The following HIVEP1 variants were observed in gnomAD, a reference collection of about 807,000 sequenced individuals.
HIVEP1 encodes HIVEP zinc finger 1.
A neutral mutation model predicts 180.0 loss-of-function variants in HIVEP1; 36 were observed. That is an observed-to-expected ratio of 0.20 (90% CI 0.15 to 0.26). HIVEP1 has a LOEUF of 0.26. Ranked by LOEUF, HIVEP1 falls within the 10% of genes least tolerant of loss-of-function variation. The probability of loss-of-function intolerance (pLI) is 1.00; values close to 1 mark genes in which losing one functional copy is unlikely to be tolerated. For synonymous variants in HIVEP1, 1,239 were observed against 1,239.0 expected, an observed-to-expected ratio of 1.00 and a Z score of 0.00; for missense variants, 3,143 against 3,268.7, an observed-to-expected ratio of 0.96 and a Z score of 0.94.
intron 2 of HIVEP1, among the ~76,000 whole-genome samples, chr6:12,025,007 C>G (rs892891840): frequency 1.3e-5 from 2 of 152,200 alleles, no homozygotes; most frequent in African/African-American, 4.8e-5. Flanking sequence ...CTACTAGGCT[C>G]TGTTCAGAGG....
intron 3 of HIVEP1, among the ~76,000 whole-genome samples, chr6:12,113,840 A>G (rs1175471645): frequency 6.6e-6 from 1 of 152,120 alleles, no homozygotes; most frequent in Non-Finnish European, 1.5e-5. Context: ...GCTGCCACGA[A>G]ACTTCTCCCA....
At chr6:12,067,384 C>A (rs1771666955) in intron 2 of HIVEP1, among the ~76,000 whole-genome samples, 2 of 151,976 alleles carry the variant, frequency 1.3e-5, no homozygotes. Flanking sequence ...AATTTGTGAA[C>A]TTTTCTCATG....
At chr6:12,192,127 T>C in the HIVEP1 span, among the ~76,000 whole-genome samples, 1 of 152,322 alleles carries the variant, frequency 6.6e-6, no homozygotes. Context: ...ATATTTCTTT[T>C]TAAAACATGG....
the HIVEP1 span, among the ~76,000 whole-genome samples, chr6:12,203,836 G>C: frequency 1.3e-5 from 2 of 152,156 alleles, no homozygotes; most frequent in East Asian, 3.9e-4. Context: ...CAGCACTTTG[G>C]GGGGCCAAGG....
At chr6:12,079,862 A>G (rs749907269) in intron 2 of HIVEP1, among the ~76,000 whole-genome samples, 11 of 152,130 alleles carry the variant, frequency 7.2e-5, no homozygotes, top group Non-Finnish European at 1.3e-4. Context: ...TGAAGATGCA[A>G]TTGATTATTG....
chr6:12,026,924 A>G (rs1768623287), intron 2 of HIVEP1, among the ~76,000 whole-genome samples: 1 of 152,338 alleles, frequency 6.6e-6, no homozygotes, highest in Admixed American at 6.5e-5. Flanking sequence ...GTTGATCTGC[A>G]ATTTACTTTT....
intron 2 of HIVEP1, among the ~76,000 whole-genome samples, chr6:12,051,016 ATATATATATATATATG>A (rs1554135666): frequency 1.7e-4 from 23 of 135,842 alleles, no homozygotes; most frequent in Non-Finnish European, 3.3e-4. Flanking sequence ...ATATATATAT[ATATATATATATATATG>A]TATATTAAAA....
chr6:12,026,986 A>ATCC (rs935478137), intron 2 of HIVEP1, among the ~76,000 whole-genome samples: 1 of 152,180 alleles, frequency 6.6e-6, no homozygotes, highest in African/African-American at 2.4e-5. Flanking sequence ...ACTAAATCCA[A>ATCC]TCCTCCACCT....
At chr6:12,116,860 G>GT (rs1456711104) in intron 3 of HIVEP1, among the ~76,000 whole-genome samples, 1 of 152,132 alleles carries the variant, frequency 6.6e-6, no homozygotes, top group African/African-American at 2.4e-5. Context: ...AAACACAAGT[G>GT]TTTTTAAGTG....
the HIVEP1 span, among the ~76,000 whole-genome samples, chr6:12,192,278 CTCTCT>C: frequency 3.1e-3 from 468 of 151,750 alleles, 3 homozygotes; most frequent in African/African-American, 0.011. Context: ...ATTTTTTCAC[CTCTCT>C]TAAGTACATA....
chr6:12,053,406 G>C lies in HIVEP1; in HGVS notation c.41-35778G>C, dbSNP rs188150065. 1.7e-4 allele frequency among the ~76,000 whole-genome samples: 26 copies of C among 152,162 alleles called. 1 individual carries two copies. Among genetic ancestry groups the C allele is most frequent in the Middle Eastern group, 3.4e-3 (1 of 294 alleles). ...AAGTTTACCAAGGATACAAATAAGA[G>C]AAGCAGTATAGAAATGTATTATAAG... On this transcript the variant is annotated intron_variant, in intron 2 of 8. Transcript: ENST00000379388.
intron 2 of HIVEP1, among the ~76,000 whole-genome samples, chr6:12,016,056 G>C (rs1767721577): frequency 6.6e-6 from 1 of 151,908 alleles, no homozygotes; most frequent in South Asian, 2.1e-4. Context: ...TAGTTCTTTT[G>C]AGGTTTATTT....
chr6:12,053,065 A>T (rs1445733937), intron 2 of HIVEP1, among the ~76,000 whole-genome samples: 1 of 152,206 alleles, frequency 6.6e-6, no homozygotes, highest in Non-Finnish European at 1.5e-5. Context: ...CTTCACAGCT[A>T]TAATTTTCTT....
intron 2 of HIVEP1, among the ~76,000 whole-genome samples, chr6:12,045,344 C>A (rs550888188): frequency 1.3e-4 from 20 of 152,272 alleles, no homozygotes; most frequent in Admixed American, 1.3e-3. Flanking sequence ...GCTTCTGATA[C>A]GTTAGATTCA....
At chr6:12,011,039 G>A (rs879798719), upstream of HIVEP1, among the ~76,000 whole-genome samples, 1 of 152,124 alleles carries the variant, frequency 6.6e-6, no homozygotes, top group African/African-American at 2.4e-5. Flanking sequence ...AAGCACCAGC[G>A]GGGCTTTGGA....
At chr6:12,022,042 C>G (rs903314480) in intron 2 of HIVEP1, among the ~76,000 whole-genome samples, 1 of 152,132 alleles carries the variant, frequency 6.6e-6, no homozygotes, top group Non-Finnish European at 1.5e-5. Context: ...TTTTGAACCT[C>G]GAGTAGGAAA....
chr6:12,096,208 A>C (rs1204152584), intron 3 of HIVEP1, among the ~76,000 whole-genome samples: 1 of 152,028 alleles, frequency 6.6e-6, no homozygotes, highest in Admixed American at 6.5e-5. Context: ...CACCATCTAT[A>C]TAAGAGTAAG....
intron 7 of HIVEP1, among the ~76,000 whole-genome samples, chr6:12,150,774 T>C (rs1759656234): frequency 6.6e-6 from 1 of 152,136 alleles, no homozygotes; most frequent in African/African-American, 2.4e-5. Flanking sequence ...TTAATGATGA[T>C]TTTATCTTTA....
chr6:12,155,547 A>T (rs1581798024), intron 7 of HIVEP1, among the ~76,000 whole-genome samples: 1 of 152,122 alleles, frequency 6.6e-6, no homozygotes, highest in African/African-American at 2.4e-5. Context: ...GCTGAGGATT[A>T]TGGCTTCCAA....
Sources: gnomAD v4.1 joint callset for allele counts (sites outside exome capture counted in the v4.1 genomes callset) on GRCh38, gnomAD v4.1.1 for gene constraint, MANE v1.5 for transcripts, NCBI Gene and HGNC (gene_info 2026-07-23, HGNC 2026-07-21) for gene names.